Variants in POLR1A observed in about 807,000 individuals in gnomAD.
POLR1A encodes DNA-directed RNA polymerase I subunit RPA1.
In POLR1A, 84 loss-of-function variants were observed where a neutral mutation model predicts 205.3. The ratio of observed to expected loss-of-function variants is 0.41; its 90% confidence interval spans 0.34 to 0.49. The LOEUF (loss-of-function observed/expected upper bound fraction) is 0.49. Among genes scored for constraint, POLR1A ranks in the 20% least tolerant of loss-of-function variants. The probability of loss-of-function intolerance (pLI) is 0.22; values close to 1 mark genes in which losing one functional copy is unlikely to be tolerated. For synonymous variants in POLR1A, 799 were observed against 863.7 expected, an observed-to-expected ratio of 0.93 and a Z score of 1.31; for missense variants, 1,645 against 2,204.5, an observed-to-expected ratio of 0.75 and a Z score of 5.08.
chr2:86,060,668 T>G (rs1238868834), intron 14 of POLR1A, among the ~76,000 whole-genome samples: 1 of 152,120 alleles, frequency 6.6e-6, no homozygotes, highest in African/African-American at 2.4e-5. Context: ...CCTCACTTCA[T>G]GCACATCCAC....
In POLR1A at chr2:86,070,702, C is replaced by A. The variant is rs1026566931; in HGVS notation, c.1612-430G>T. Reference sequence around the variant, plus strand: ...CATTGGCAGACTTTCGAATCCCCCCCCCGCCGTGATCACATGTGAGTACAT... The same window carrying A: ...CATTGGCAGACTTTCGAATCCCCCCACCGCCGTGATCACATGTGAGTACAT... On this transcript the variant is annotated intron_variant, in intron 12 of 33. Coordinates refer to ENST00000263857, the MANE Select transcript of POLR1A (RefSeq NM_015425.6). The surrounding 1 kb of genome is among the most constrained non-coding windows in gnomAD (Gnocchi z 4.4). Among the ~76,000 whole-genome samples the A allele has an allele frequency of 1.8e-5, 2 of 111,322 alleles. No individual in the cohort carries two copies. Among genetic ancestry groups the A allele is most frequent in the South Asian group, 2.7e-4 (1 of 3,742 alleles). 73.0% of individuals were successfully genotyped at this position (111,322 alleles called of 152,430 possible). A position where few individuals can be genotyped will look rare whatever the true frequency, so the allele number is the denominator to read the frequency against.
At chr2:86,096,026 C>A (rs1343558824) in intron 3 of POLR1A, among the ~76,000 whole-genome samples, 2 of 152,032 alleles carry the variant, frequency 1.3e-5, no homozygotes, top group African/African-American at 4.8e-5. Flanking sequence ...CTGCACCCAG[C>A]CGACATAATC....
At chr2:86,081,802 CAG>C (rs1465029647) in intron 7 of POLR1A, 96 bp from the exon 8 acceptor site, 1 of 720,954 alleles carries the variant, frequency 1.4e-6, no homozygotes, top group Admixed American at 2.6e-5. Context: ...GAGGAAAAAA[CAG>C]AATACAAGAT....
intron 9 of POLR1A, among the ~76,000 whole-genome samples, chr2:86,079,048 G>A (rs1462642120): frequency 6.6e-6 from 1 of 152,130 alleles, no homozygotes; most frequent in Non-Finnish European, 1.5e-5. Flanking sequence ...GTCTTCCAGT[G>A]TGGGCAGATA....
intron 28 of POLR1A, 57 bp downstream of exon 28, chr2:86,033,604 T>C (rs1391069547): frequency 1.9e-6 from 3 of 1,585,754 alleles, no homozygotes; most frequent in African/African-American, 1.3e-5. Context: ...GCACAGAGCC[T>C]GCCCAGTCTG....
intron 12 of POLR1A, among the ~76,000 whole-genome samples, chr2:86,073,057 AC>A (rs1210303032): frequency 6.6e-6 from 1 of 151,956 alleles, no homozygotes; most frequent in African/African-American, 2.4e-5. Context: ...TACAGAAAAT[AC>A]ACAAACTAGC....
Position 86,065,394 on chromosome 2 carries a change from G to A in POLR1A, c.1938C>T (p.Cys646=), listed in dbSNP as rs1287859871. ...VSGASMTTRG[C]FFTREHYMEL... is the part of the protein sequence containing the mutation. The stretch of plus-strand genomic sequence containing the variant: ...CCATATAGTGCTCCCGGGTGAAAAA[G>A]CAACCCCGAGTAGTCATGCTTGCCC... Residue 646 remains cysteine (C), a synonymous_variant, in exon 14 of 34, where the codon TGC becomes TGT. Transcript: ENST00000263857. The A allele has an allele frequency of 2.5e-6, 4 of 1,614,124 alleles. No individual in the cohort carries two copies. The highest frequency in any genetic ancestry group is 2.2e-5 in the East Asian group (1 of 44,884).
In POLR1A at chr2:86,026,931, G is replaced by T; in HGVS notation, c.*492C>A. ...AGCAGCCGGAAGGAGCAGGCCTTGG[G>T]CAGCAGGCTCCACGTTCCTGCTCAT... is the stretch of plus-strand genomic sequence containing the variant. On this transcript the variant is annotated 3_prime_UTR_variant, in exon 34 of 34. Transcript: ENST00000263857. 3 of 176,066 alleles carry T rather than the reference G, an allele frequency of 1.7e-5. No homozygotes were observed. Among genetic ancestry groups the T allele is most frequent in the Admixed American group, 5.4e-5 (1 of 18,670 alleles). The allele number at this position is 176,066 out of a possible 1,614,324, so 10.9% of individuals were successfully genotyped here. A position where few individuals can be genotyped will look rare whatever the true frequency, so the allele number is the denominator to read the frequency against.
intron 30 of POLR1A, among the ~76,000 whole-genome samples, chr2:86,030,792 G>GT (rs769848950): frequency 1.3e-5 from 2 of 152,178 alleles, no homozygotes; most frequent in Non-Finnish European, 2.9e-5. Flanking sequence ...AAGACAAAGC[G>GT]TAAGTGTGTG....
At chr2:86,090,334 G>T (rs1216811289) in intron 3 of POLR1A, among the ~76,000 whole-genome samples, 1 of 145,038 alleles carries the variant, frequency 6.9e-6, no homozygotes, top group Non-Finnish European at 1.5e-5. Flanking sequence ...GTTGCAGTGA[G>T]CCAAGATTGC....
chr2:86,039,023 C>G (rs1439161919), intron 26 of POLR1A, 166 bp from the exon 27 acceptor site: 1 of 683,946 alleles, frequency 1.5e-6, no homozygotes. Context: ...TGCTGGGGGG[C>G]CCACAGCCTG....
At position 86,028,123 on chromosome 2, in the gene POLR1A, T is replaced by G; in HGVS notation, c.4898-74A>C. On this transcript the variant is annotated intron_variant, in intron 32 of 33. Transcript: ENST00000263857. This position sits in a 1 kb window ranked among gnomAD's most constrained non-coding sequence, Gnocchi z 4.5. ...AGCAGTCAGCAGACACAAGCCAAGC[T>G]GCCTCCACATCAGCACATGGCTTGG... 7.1e-7 allele frequency: 1 copy of G among 1,411,814 alleles called. No homozygotes were observed. 87.5% of individuals were successfully genotyped at this position (1,411,814 alleles called of 1,614,324 possible).
intron 11 of POLR1A, among the ~76,000 whole-genome samples, chr2:86,076,887 T>C (rs1673294688): frequency 6.6e-6 from 1 of 152,176 alleles, no homozygotes; most frequent in Non-Finnish European, 1.5e-5. Flanking sequence ...ATGTCACCAC[T>C]GGACTTTGCA....
intron 19 of POLR1A, 44 bp from the exon 20 acceptor site, chr2:86,045,813 T>A: frequency 6.5e-7 from 1 of 1,533,794 alleles, no homozygotes; most frequent in Non-Finnish European, 8.9e-7. Flanking sequence ...TCCACATGTG[T>A]GTTTAACAGT....
chr2:86,032,929 C>G (rs1672422374), intron 28 of POLR1A, among the ~76,000 whole-genome samples: 1 of 152,184 alleles, frequency 6.6e-6, no homozygotes, highest in South Asian at 2.1e-4. Flanking sequence ...GCAGGAGAGA[C>G]CTAGCATTTT....
intron 9 of POLR1A, among the ~76,000 whole-genome samples, chr2:86,079,049 T>C (rs1466460503): frequency 2.6e-5 from 4 of 151,794 alleles, no homozygotes; most frequent in Non-Finnish European, 5.9e-5. Flanking sequence ...TCTTCCAGTG[T>C]GGGCAGATAA....
intron 24 of POLR1A, among the ~76,000 whole-genome samples, chr2:86,041,510 G>T (rs1672606956): frequency 6.6e-6 from 1 of 152,068 alleles, no homozygotes; most frequent in African/African-American, 2.4e-5. Context: ...GTTAAGACCT[G>T]GTGTCCCTGG....
Position 86,026,299 on chromosome 2 carries a change from A to T in POLR1A, c.*1124T>A, listed in dbSNP as rs2104374352. 6.6e-6 allele frequency: 1 copy of T among 152,348 alleles called. No individual in the cohort carries two copies. Among genetic ancestry groups the T allele is most frequent in the South Asian group, 2.1e-4 (1 of 4,830 alleles). 9.4% of individuals were successfully genotyped at this position (152,348 alleles called of 1,614,324 possible). ...CCCCGCCCTGGGTTCTCAAATCCAA[A>T]TGCAGAAACTGCAAACCAAGGGAAA... On this transcript the variant is annotated 3_prime_UTR_variant, in exon 34 of 34. Transcript: ENST00000263857.
chr2:86,089,847 T>C lies in POLR1A; in HGVS notation c.515A>G (p.Asn172Ser). The C allele has an allele frequency of 1.9e-6, 3 of 1,609,590 alleles. No individual in the cohort carries two copies. Among genetic ancestry groups the C allele is most frequent in the Admixed American group, 1.7e-5 (1 of 59,886 alleles). ...EQYTTEIVQN[N>S]LLGSQGAHVK... ...ATGTGCGCCCTGGGACCCCAGGAGG[T>C]TGTTCTGCACAATTTCAGTTGTGTA... Residue 172 changes from asparagine to serine, a missense_variant, in exon 4 of 34, where the codon AAC becomes AGC. Asn to Ser is a conservative substitution (Grantham distance 46, BLOSUM62 1). Around this residue, in one of 16 missense-constraint regions of POLR1A, gnomAD observed 330 missense variants for 375.6 expected, o/e 0.88. Transcript: ENST00000263857.
Sources: allele counts gnomAD v4.1 joint callset (sites outside exome capture counted in the v4.1 genomes callset), GRCh38; gene constraint gnomAD v4.1.1; regional missense constraint gnomAD v4.1.1; non-coding constraint Gnocchi (gnomAD v3.1); transcripts MANE v1.5; gene names NCBI Gene and HGNC (gene_info 2026-07-23, HGNC 2026-07-21).